The following ELMO2 variants were observed in gnomAD, a reference collection of about 807,000 sequenced individuals.
The protein encoded by ELMO2 is engulfment and cell motility protein 2.
ELMO2 carries 37 observed loss-of-function variants against 96.2 expected under a neutral mutation model. The ratio of observed to expected loss-of-function variants is 0.38; its 90% CI spans 0.30 to 0.51. The LOEUF (loss-of-function observed/expected upper bound fraction) is 0.51. Ranked by LOEUF, ELMO2 falls within the 20% of genes least tolerant of loss-of-function variation. The pLI, the probability that ELMO2 is intolerant of heterozygous loss-of-function variation, is 0.88. For missense variants in ELMO2, 561 were observed against 912.6 expected (o/e 0.61, Z 4.96); for synonymous variants, 315 against 329.4 (o/e 0.96, Z 0.47).
chr20:46,404,046 T>G (rs772021185), intron 1 of ELMO2, among the ~76,000 whole-genome samples: 1 of 152,002 alleles, frequency 6.6e-6, no homozygotes, highest in Non-Finnish European at 1.5e-5. Flanking sequence ...ATGGCACCAT[T>G]GCACTCCAGC....
In ELMO2 at chr20:46,389,262, A is replaced by G. The variant is rs542245999; in HGVS notation, c.244-42T>C. ...AAGATATGTGCCATCTGCTCCTTGG[A>G]GCAGGTTACTACTCTGTGGATAGCT... is the stretch of plus-strand genomic sequence containing the variant. On this transcript the variant is annotated intron_variant, in intron 6 of 21. Transcript: ENST00000290246. 799 of 1,595,644 alleles carry G rather than the reference A, an allele frequency of 5.0e-4. 12 individuals carry two copies. The South Asian group carries it at 7.3e-3, about 15-fold the overall frequency.
chr20:46,369,114 T>C (rs1230494967), intron 20 of ELMO2, 146 bp from the exon 21 acceptor site: 1 of 724,630 alleles, frequency 1.4e-6, no homozygotes, highest in African/African-American at 1.8e-5. Context: ...CGGCCACAAG[T>C]GTGGCTGGAG....
chr20:46,397,337 C>G lies in ELMO2; in HGVS notation c.-51+1360G>C, dbSNP rs181455422. On this transcript the variant is annotated intron_variant, in intron 2 of 21. Transcript: ENST00000290246. ...TGATGGGACTAAAGTGAATACCCAACTTTAGCTGAACTATTCCAGTTCTTT... is the reference window on the plus strand; with the variant it reads ...TGATGGGACTAAAGTGAATACCCAAGTTTAGCTGAACTATTCCAGTTCTTT... Among the ~76,000 whole-genome samples the G allele has an allele frequency of 7.0e-4, 106 of 152,324 alleles. 1 individual carries two copies. Among genetic ancestry groups the G allele is most frequent in the Non-Finnish European group, 7.3e-5 (5 of 68,040 alleles).
intron 11 of ELMO2, among the ~76,000 whole-genome samples, chr20:46,377,302 G>A (rs1482508983): frequency 6.6e-6 from 1 of 152,174 alleles, no homozygotes. Context: ...AAATGGTAAC[G>A]TTTTCGATAT....
chr20:46,400,036 G>T (rs377291465), intron 1 of ELMO2, among the ~76,000 whole-genome samples: 1 of 152,114 alleles, frequency 6.6e-6, no homozygotes, highest in African/African-American at 2.4e-5. Context: ...TACTCAGGAG[G>T]CTGAGGCAGG....
chr20:46,377,624 T>C (rs145740121), intron 11 of ELMO2, among the ~76,000 whole-genome samples: 83 of 152,334 alleles, frequency 5.4e-4, no homozygotes, highest in African/African-American at 1.9e-3. Flanking sequence ...GTGGCCACCA[T>C]TGTGGACAGC....
intron 2 of ELMO2, among the ~76,000 whole-genome samples, chr20:46,396,001 C>T (rs1328728725): frequency 2.0e-5 from 3 of 152,248 alleles, no homozygotes; most frequent in Non-Finnish European, 4.4e-5. Context: ...ATGCTTTCCC[C>T]TTTTCCTTTG....
chr20:46,400,631 G>T (rs1349043559), intron 1 of ELMO2, among the ~76,000 whole-genome samples: 1 of 152,204 alleles, frequency 6.6e-6, no homozygotes, highest in East Asian at 1.9e-4. Context: ...ATATAAGGAT[G>T]ATTTGGAAAA....
chr20:46,387,271 T>C, intron 8 of ELMO2, 67 bp downstream of exon 8: 1 of 1,385,658 alleles, frequency 7.2e-7, no homozygotes, highest in African/African-American at 1.4e-5. Context: ...ATTGCCTGTA[T>C]CTCCCCTTAA....
chr20:46,386,158 T>C lies in ELMO2; in HGVS notation c.643A>G (p.Ile215Val), dbSNP rs113022678. The change falls in exon 9 of 22, where the codon ATC (isoleucine) becomes GTC (valine). Residue 215 changes from isoleucine to valine, a missense_variant. By Grantham distance (29) the Ile-to-Val change is conservative. Transcript: ENST00000290246. The stretch of plus-strand genomic sequence containing the variant: ...TGTGAGATGAGCTGTCCCACGGTGA[T>C]TTCCTCGGCTATCTTCTGGTACAGA... ...QSLYQKIAEE[I>V]TVGQLISHLQ... The C allele has an allele frequency of 6.2e-7, 1 of 1,614,136 alleles. No individual in the cohort carries two copies. Among genetic ancestry groups the C allele is most frequent in the Non-Finnish European group, 8.5e-7 (1 of 1,180,014 alleles).
intron 1 of ELMO2, among the ~76,000 whole-genome samples, chr20:46,400,762 G>C (rs2060322323): frequency 6.6e-6 from 1 of 152,194 alleles, no homozygotes; most frequent in Non-Finnish European, 1.5e-5. Context: ...AGAAAAATAG[G>C]AACATTAGTG....
chr20:46,388,865 A>G (rs1472543726), intron 7 of ELMO2, among the ~76,000 whole-genome samples, 174 bp downstream of exon 7: 1 of 152,206 alleles, frequency 6.6e-6, no homozygotes, highest in Non-Finnish European at 1.5e-5. Context: ...ACGATTTAGA[A>G]TCACAATATG....
chr20:46,397,110 T>C (rs147450384), intron 2 of ELMO2, among the ~76,000 whole-genome samples: 1,924 of 152,344 alleles, frequency 0.013, 20 homozygotes, highest in Admixed American at 0.018. Flanking sequence ...ATATCCTAGA[T>C]TGACTCTCTC....
At chr20:46,380,822 A>C (rs1311676676) in intron 10 of ELMO2, among the ~76,000 whole-genome samples, 2 of 152,206 alleles carry the variant, frequency 1.3e-5, no homozygotes, top group Non-Finnish European at 2.9e-5. Context: ...TTCCGTTCTA[A>C]CTGGCTTAGA....
At chr20:46,382,542 T>G (rs888443329) in intron 10 of ELMO2, among the ~76,000 whole-genome samples, 3 of 152,228 alleles carry the variant, frequency 2.0e-5, no homozygotes, top group Admixed American at 1.3e-4. Context: ...TTGGAAGGGC[T>G]GTCAGAGATC....
intron 10 of ELMO2, 45 bp from the exon 11 acceptor site, chr20:46,380,348 C>T (rs1183072622): frequency 1.3e-6 from 2 of 1,493,378 alleles, no homozygotes; most frequent in South Asian, 1.1e-5. Context: ...GGCAGGCACA[C>T]ACCTGTGACT....
In ELMO2 at chr20:46,375,840, T is replaced by C. The variant is rs1327244566; in HGVS notation, c.808-50A>G. 6.2e-7 allele frequency: 1 copy of C among 1,609,670 alleles called. No individual in the cohort carries two copies. The highest frequency in any genetic ancestry group is 1.7e-5 in the Admixed American group (1 of 59,854). On this transcript the variant is annotated intron_variant, in intron 11 of 21. Transcript: ENST00000290246. This position sits in a 1 kb window ranked among gnomAD's most constrained non-coding sequence, Gnocchi z 4.6. The stretch of plus-strand genomic sequence containing the variant: ...AGGGGACTGAACTGATCTCTTTTAA[T>C]GAAGGGCCACATCCATGCTAAGGAA...
intron 1 of ELMO2, among the ~76,000 whole-genome samples, chr20:46,406,265 C>G (rs1256439005): frequency 6.6e-6 from 1 of 152,104 alleles, no homozygotes; most frequent in African/African-American, 2.4e-5. Flanking sequence ...CCCAGCCCAG[C>G]CCCCGTGCCT....
intron 15 of ELMO2, 82 bp downstream of exon 15, chr20:46,374,250 A>G (rs1338768546): frequency 1.7e-6 from 2 of 1,166,754 alleles, no homozygotes; most frequent in Non-Finnish European, 2.6e-6. Context: ...CCCCACTGAC[A>G]TGTAACTGTT....
Sources: allele counts gnomAD v4.1 joint callset (sites outside exome capture counted in the v4.1 genomes callset), GRCh38; gene constraint gnomAD v4.1.1; non-coding constraint Gnocchi (gnomAD v3.1); transcripts MANE v1.5; gene names NCBI Gene and HGNC (gene_info 2026-07-23, HGNC 2026-07-21).